Variants in PDLIM5 observed in about 807,000 individuals in gnomAD.
The protein encoded by PDLIM5 is PDZ and LIM domain 5.
PDLIM5 carries 34 observed loss-of-function variants against 64.2 expected under a neutral mutation model. The ratio of observed to expected loss-of-function variants is 0.53; its 90% CI spans 0.40 to 0.71. The LOEUF is 0.71. Among genes scored for constraint, PDLIM5 ranks in the 30% least tolerant of loss-of-function variants. The probability of loss-of-function intolerance (pLI) is 0.00; values close to 1 mark genes in which losing one functional copy is unlikely to be tolerated. For missense variants in PDLIM5, 683 were observed against 733.6 expected, an observed-to-expected ratio of 0.93 and a Z score of 0.80; for synonymous variants, 253 against 269.1, an observed-to-expected ratio of 0.94 and a Z score of 0.59.
intron 11 of PDLIM5, among the ~76,000 whole-genome samples, chr4:94,662,114 C>G (rs866263929): frequency 6.6e-6 from 1 of 152,044 alleles, no homozygotes; most frequent in East Asian, 1.9e-4. Flanking sequence ...CAACCGCGCC[C>G]GGCCAGAACA....
At chr4:94,496,800 A>G (rs145446076) in intron 2 of PDLIM5, among the ~76,000 whole-genome samples, 1,768 of 152,326 alleles carry the variant, frequency 0.012, 33 homozygotes, top group African/African-American at 0.041. Flanking sequence ...GCCCAGATGC[A>G]CATTTGACCT....
intron 3 of PDLIM5, among the ~76,000 whole-genome samples, chr4:94,570,329 T>C (rs147425839): frequency 5.3e-5 from 8 of 152,292 alleles, no homozygotes; most frequent in African/African-American, 1.4e-4. Context: ...TTGGGTTATT[T>C]CTTTCTCTCT....
intron 2 of PDLIM5, among the ~76,000 whole-genome samples, chr4:94,499,155 G>A (rs543507222): frequency 3.3e-5 from 5 of 152,206 alleles, no homozygotes; most frequent in African/African-American, 1.2e-4. Context: ...TCTGGAAAAA[G>A]CGAAGCCTTC....
intron 9 of PDLIM5, among the ~76,000 whole-genome samples, chr4:94,644,772 A>T (rs943569866): frequency 3.9e-5 from 6 of 152,174 alleles, no homozygotes; most frequent in Non-Finnish European, 8.8e-5. Context: ...TGATCTCCTG[A>T]CCTCATGATC....
rs997446616 is a variant in PDLIM5, at chr4:94,625,487, G to A, written c.1108+7296G>A. 6.2e-5 allele frequency among the ~76,000 whole-genome samples: 9 copies of A among 144,942 alleles called. No homozygotes were observed. The South Asian group carries it at 6.6e-4, about 11-fold the overall frequency. ...TTTTTTTTTGAGACAGAGTCTCTCT[G>A]TGTTGCCCAGGCTGGAGTGCAGTGG... On this transcript the variant is annotated intron_variant, in intron 8 of 12. Coordinates refer to ENST00000317968, the MANE Select transcript of PDLIM5 (RefSeq NM_006457.5).
chr4:94,556,147 C>T (rs1023623734), intron 3 of PDLIM5, among the ~76,000 whole-genome samples: 1 of 145,172 alleles, frequency 6.9e-6, no homozygotes, highest in Non-Finnish European at 1.5e-5. Context: ...TGAGTGAGAA[C>T]ATGCAGTGTT....
At chr4:94,662,609 T>C in intron 12 of PDLIM5, 72 bp downstream of exon 12, 2 of 651,836 alleles carry the variant, frequency 3.1e-6, no homozygotes, top group Non-Finnish European at 5.6e-6. Flanking sequence ...TTAATGGAAA[T>C]ATCAGCTTCT....
chr4:94,587,935 C>T, intron 7 of PDLIM5: 1 of 975,672 alleles, frequency 1.0e-6, no homozygotes, highest in Admixed American at 6.1e-5. Flanking sequence ...AAATATTTTA[C>T]TTAGTGACGT....
At chr4:94,648,097 C>G (rs1295493374) in intron 9 of PDLIM5, among the ~76,000 whole-genome samples, 1 of 152,030 alleles carries the variant, frequency 6.6e-6, no homozygotes, top group Non-Finnish European at 1.5e-5. Flanking sequence ...TGCCTTCTAC[C>G]TTAAGACTCT....
chr4:94,621,070 C>CAAA (rs10526750), intron 8 of PDLIM5, among the ~76,000 whole-genome samples: 4 of 81,608 alleles, frequency 4.9e-5, no homozygotes, highest in East Asian at 5.0e-4. Context: ...GACTCTGTCT[C>CAAA]AAAAAAAAAA....
At chr4:94,539,267 G>A (rs916915967) in intron 3 of PDLIM5, among the ~76,000 whole-genome samples, 3 of 152,100 alleles carry the variant, frequency 2.0e-5, no homozygotes, top group African/African-American at 7.2e-5. Context: ...TAATATATAT[G>A]TGTCTATTTA....
intron 7 of PDLIM5, among the ~76,000 whole-genome samples, chr4:94,590,663 G>A (rs370020082): frequency 2.8e-4 from 43 of 152,280 alleles, no homozygotes; most frequent in African/African-American, 7.5e-4. Context: ...GGAGTCAGCC[G>A]TGTGATGACT....
chr4:94,640,873 A>G (rs1395003666), intron 9 of PDLIM5, among the ~76,000 whole-genome samples: 1 of 152,244 alleles, frequency 6.6e-6, no homozygotes, highest in Non-Finnish European at 1.5e-5. Flanking sequence ...CCTTAGAGAA[A>G]AAGATGATTG....
intron 2 of PDLIM5, among the ~76,000 whole-genome samples, chr4:94,495,579 G>A (rs1727312781): frequency 1.3e-5 from 2 of 152,072 alleles, no homozygotes; most frequent in African/African-American, 4.8e-5. Flanking sequence ...GGTATGCTCT[G>A]TGGTCAGGGA....
intron 7 of PDLIM5, among the ~76,000 whole-genome samples, chr4:94,612,218 AAAAAAC>A (rs1738426409): frequency 6.6e-6 from 1 of 152,226 alleles, no homozygotes; most frequent in South Asian, 2.1e-4. Context: ...ACTCTGTCTC[AAAAAAC>A]AAAAACAAAA....
chr4:94,641,874 T>C (rs569997681), intron 9 of PDLIM5, among the ~76,000 whole-genome samples: 4 of 152,316 alleles, frequency 2.6e-5, no homozygotes, highest in Middle Eastern at 3.4e-3. Context: ...TTTAACTGCA[T>C]AGATCATGCA....
intron 8 of PDLIM5, 77 bp from the exon 9 acceptor site, chr4:94,640,199 A>T: frequency 4.4e-6 from 3 of 689,244 alleles, no homozygotes; most frequent in Non-Finnish European, 6.9e-6. Flanking sequence ...TTAAAATAAT[A>T]ATTTTTATTA....
intron 2 of PDLIM5, among the ~76,000 whole-genome samples, chr4:94,480,886 T>C (rs2126106057): frequency 6.6e-6 from 1 of 152,324 alleles, no homozygotes; most frequent in East Asian, 1.9e-4. Flanking sequence ...GTATTAGTCC[T>C]TTTATATTTT....
chr4:94,597,431 G>A (rs1488153335), intron 7 of PDLIM5, among the ~76,000 whole-genome samples: 2 of 152,112 alleles, frequency 1.3e-5, no homozygotes, highest in Non-Finnish European at 2.9e-5. Flanking sequence ...CTTTATATAT[G>A]AAAGGTAAAA....
Sources: allele counts gnomAD v4.1 joint callset (sites outside exome capture counted in the v4.1 genomes callset), GRCh38; gene constraint gnomAD v4.1.1; transcripts MANE v1.5; gene names NCBI Gene and HGNC (gene_info 2026-07-23, HGNC 2026-07-21).